FBXW8: variants seen among roughly 807,000 people sequenced by gnomAD.
The protein encoded by FBXW8 is F-box/WD repeat-containing protein 8.
A neutral mutation model predicts 65.3 loss-of-function variants in FBXW8; 57 were observed. That is an observed-to-expected ratio of 0.87 (90% CI 0.71 to 1.09). The LOEUF is 1.09. Ranked by LOEUF, FBXW8 falls within the 50% of genes least tolerant of loss-of-function variation. The pLI is 0.00. For synonymous variants in FBXW8, 308 were observed against 330.2 expected (o/e 0.93, Z 0.73); for missense variants, 777 against 814.8 (o/e 0.95, Z 0.57).
At chr12:117,012,831 A>T (rs1021277561) in intron 8 of FBXW8, among the ~76,000 whole-genome samples, 7 of 152,198 alleles carry the variant, frequency 4.6e-5, no homozygotes, top group Non-Finnish European at 1.0e-4. Flanking sequence ...TGGGAATGAG[A>T]TGAACTCTAA....
rs149949742 is a variant in FBXW8 at position 116,942,155 on chromosome 12, A to G, written c.424-3209A>G. Among the ~76,000 whole-genome samples, 684 of 151,884 alleles carry G rather than the reference A, an allele frequency of 4.5e-3. 6 individuals carry two copies. The highest frequency in any genetic ancestry group is 0.015 in the African/African-American group (636 of 41,346). ...GCAATCCTCCTGCCTCAGTCTCACA[A>G]GTAGCTGGGACTACAGGCACACACC... On this transcript the variant is annotated intron_variant, in intron 2 of 10. Coordinates refer to ENST00000652555, the MANE Select transcript of FBXW8 (RefSeq NM_153348.3).
rs571012990 is a variant in FBXW8, at chr12:116,976,112, C to CA, written c.836-9090dup. Among the ~76,000 whole-genome samples the CA allele has an allele frequency of 3.1e-4, 47 of 152,086 alleles. 1 individual carries two copies. In the South Asian group the frequency reaches 3.5e-3, roughly 11 times the overall value. On this transcript the variant is annotated intron_variant, in intron 5 of 10. Coordinates refer to ENST00000652555, the MANE Select transcript of FBXW8 (RefSeq NM_153348.3). ...CATTTTTGTAAGTCTGAAATTATTT[C>CA]AAAATCAAAAAAGACTATCAAATTA...
rs1880568962 is a variant in FBXW8 at position 116,917,973 on chromosome 12, CAG to C, written c.318+6621_318+6622del. On this transcript the variant is annotated intron_variant, in intron 1 of 10. Transcript: ENST00000652555. ...CGCCACTGCACTCCAGCCTGGGTGA[CAG>C]AGCAAGACTCCACCTCAAAAAAAAA... Among the ~76,000 whole-genome samples, 9 of 131,532 alleles carry C rather than the reference CAG, an allele frequency of 6.8e-5. No homozygotes were observed. In the South Asian group the frequency reaches 2.2e-3, roughly 32 times the overall value. 86.3% of individuals were successfully genotyped at this position (131,532 alleles called of 152,430 possible).
chr12:116,997,954 T>A (rs1178587735), intron 7 of FBXW8, among the ~76,000 whole-genome samples: 1 of 152,220 alleles, frequency 6.6e-6, no homozygotes, highest in Admixed American at 6.5e-5. Flanking sequence ...TAGCTGGGAC[T>A]ACAGGCGTGT....
intron 5 of FBXW8, chr12:116,979,066 G>A (rs2135655488): frequency 6.6e-6 from 1 of 152,234 alleles, no homozygotes; most frequent in South Asian, 2.1e-4. Flanking sequence ...AACAAAAATG[G>A]TATCCATTAT....
At position 116,911,245 on chromosome 12, in the gene FBXW8, C is replaced by G. The variant is rs958694273; in HGVS notation, c.208C>G (p.Arg70Gly). Residue 70 changes from arginine (R) to glycine (G), a missense_variant, in exon 1 of 11, where the codon CGG becomes GGG. Coordinates refer to ENST00000652555, the MANE Select transcript of FBXW8 (RefSeq NM_153348.3). ...GGGCGCGGGGAGGCCCCCGGCGGCG[C>G]GGGCGACTCGGGCCGAGGGGCAGGA... The part of the protein sequence containing the change: ...LEGAGRPPAA[R>G]ATRAEGQDVA... The G allele has an allele frequency of 8.1e-6, 10 of 1,241,534 alleles. No homozygotes were observed. In the Admixed American group the frequency reaches 2.1e-4, roughly 26 times the overall value. The allele number at this position is 1,241,534 out of a possible 1,614,324, so 76.9% of individuals were successfully genotyped here.
Position 116,974,152 on chromosome 12 carries a change from G to A in FBXW8, c.835+9298G>A, listed in dbSNP as rs73397467. ...CCCAGTGAGGGCTCAGGGAAGCCAAGGTGGATAGAATTTGTGGGCCAGAGT... is the reference window on the plus strand; with the variant it reads ...CCCAGTGAGGGCTCAGGGAAGCCAAAGTGGATAGAATTTGTGGGCCAGAGT... On this transcript the variant is annotated intron_variant, in intron 5 of 10. Coordinates refer to ENST00000652555, the MANE Select transcript of FBXW8 (RefSeq NM_153348.3). 3.9e-3 allele frequency among the ~76,000 whole-genome samples: 601 copies of A among 152,342 alleles called. 7 individuals carry two copies. Among genetic ancestry groups the A allele is most frequent in the African/African-American group, 0.014 (579 of 41,576 alleles).
chr12:116,946,068 C>T (rs556872998), intron 3 of FBXW8, among the ~76,000 whole-genome samples: 3 of 152,122 alleles, frequency 2.0e-5, no homozygotes, highest in Non-Finnish European at 4.4e-5. Flanking sequence ...GAAGTGTTTC[C>T]ATAGGAGATA....
At chr12:116,932,901 T>G in intron 2 of FBXW8, among the ~76,000 whole-genome samples, 1 of 152,234 alleles carries the variant, frequency 6.6e-6, no homozygotes, top group East Asian at 1.9e-4. Context: ...TGAAAGAATT[T>G]TCAATATTCT....
intron 8 of FBXW8, among the ~76,000 whole-genome samples, chr12:117,021,455 ATTTTGTT>A (rs1263359941): frequency 6.6e-6 from 1 of 151,916 alleles, no homozygotes; most frequent in Non-Finnish European, 1.5e-5. Context: ...CACCTTCCAT[ATTTTGTT>A]ATGTTTAGAA....
intron 1 of FBXW8, among the ~76,000 whole-genome samples, chr12:116,915,815 GCT>G: frequency 6.6e-6 from 1 of 151,972 alleles, no homozygotes; most frequent in Non-Finnish European, 1.5e-5. Context: ...ACCACGGCCT[GCT>G]CATTTTTGTA....
intron 8 of FBXW8, among the ~76,000 whole-genome samples, chr12:117,014,559 G>T (rs1953901670): frequency 6.6e-6 from 1 of 152,228 alleles, no homozygotes; most frequent in Non-Finnish European, 1.5e-5. Context: ...TCTGGATCCT[G>T]TTATGTAATC....
At chr12:116,947,968 A>G (rs1004078978) in intron 3 of FBXW8, among the ~76,000 whole-genome samples, 1 of 152,122 alleles carries the variant, frequency 6.6e-6, no homozygotes, top group Non-Finnish European at 1.5e-5. Flanking sequence ...AGGCCTCTGC[A>G]CACAGATGCA....
chr12:116,954,515 A>G (rs1203036977), intron 4 of FBXW8, among the ~76,000 whole-genome samples: 6 of 152,166 alleles, frequency 3.9e-5, no homozygotes, highest in Admixed American at 2.0e-4. Context: ...GATGTCTGCA[A>G]ATTTTTCTCC....
At chr12:116,944,317 T>A (rs1303816622) in intron 2 of FBXW8, among the ~76,000 whole-genome samples, 2 of 152,168 alleles carry the variant, frequency 1.3e-5, no homozygotes, top group Non-Finnish European at 2.9e-5. Context: ...GTCTTTAATC[T>A]GCCATCCTGC....
At chr12:117,025,977 G>A (rs1954218274) in intron 9 of FBXW8, among the ~76,000 whole-genome samples, 1 of 152,216 alleles carries the variant, frequency 6.6e-6, no homozygotes, top group Admixed American at 6.5e-5. Context: ...GTCCAGGCTT[G>A]TCCCCCACGT....
At chr12:116,960,848 A>AT (rs145425875) in intron 4 of FBXW8, among the ~76,000 whole-genome samples, 1,693 of 152,330 alleles carry the variant, frequency 0.011, 20 homozygotes, top group South Asian at 0.054. Flanking sequence ...TAGTAAAAGC[A>AT]GTTTCTTCAG....
intron 9 of FBXW8, among the ~76,000 whole-genome samples, chr12:117,026,835 T>C (rs914172520): frequency 5.9e-5 from 9 of 152,226 alleles, no homozygotes; most frequent in Admixed American, 6.5e-5. Context: ...CGGTACTGCA[T>C]GAAAGTTTCA....
chr12:116,936,753 G>A lies in FBXW8; in HGVS notation c.424-8611G>A, dbSNP rs977512942. 3.3e-5 allele frequency among the ~76,000 whole-genome samples: 5 copies of A among 152,274 alleles called. No homozygotes were observed. Among genetic ancestry groups the A allele is most frequent in the Non-Finnish European group, 7.3e-5 (5 of 68,034 alleles). The stretch of plus-strand genomic sequence containing the variant: ...GCTAAGTTTGTAGTAGTTTGTTAGC[G>A]CAGCCATAGGAGACTGATACGGGGA... On this transcript the variant is annotated intron_variant, in intron 2 of 10. Transcript: ENST00000652555. The surrounding 1 kb of genome is among the most constrained non-coding windows in gnomAD (Gnocchi z 4.6).
Sources: gnomAD v4.1 joint callset for allele counts (sites outside exome capture counted in the v4.1 genomes callset) on GRCh38, gnomAD v4.1.1 for gene constraint, Gnocchi (gnomAD v3.1) non-coding constraint, MANE v1.5 for transcripts, NCBI Gene and HGNC (gene_info 2026-07-23, HGNC 2026-07-21) for gene names.